FBRSL1: variants seen among roughly 807,000 people sequenced by gnomAD.
FBRSL1 encodes the protein fibrosin-1-like protein.
FBRSL1 carries 51 observed loss-of-function variants against 89.6 expected under a neutral mutation model. The ratio of observed to expected loss-of-function variants is 0.57; its 90% CI spans 0.45 to 0.72. FBRSL1 has a LOEUF of 0.72. FBRSL1 is among the 30% of genes least tolerant of loss of function. The probability of loss-of-function intolerance (pLI) is 0.00; values close to 1 mark genes in which losing one functional copy is unlikely to be tolerated. For synonymous variants in FBRSL1, 779 were observed against 681.1 expected (o/e 1.14, Z -2.24); for missense variants, 1,618 against 1,451.8 (o/e 1.11, Z -1.86).
At chr12:132,525,304 T>C (rs2035696224) in intron 2 of FBRSL1, among the ~76,000 whole-genome samples, 1 of 152,176 alleles carries the variant, frequency 6.6e-6, no homozygotes, top group Non-Finnish European at 1.5e-5. Context: ...TACAGCCAGA[T>C]GGGGTGGTGC....
chr12:132,535,414 G>A (rs927815451), intron 4 of FBRSL1, among the ~76,000 whole-genome samples: 3 of 152,242 alleles, frequency 2.0e-5, no homozygotes, highest in Admixed American at 6.5e-5. Context: ...GGACGTAGAG[G>A]GAGAGATGGA....
chr12:132,515,684 G>A (rs1325187290), intron 2 of FBRSL1, among the ~76,000 whole-genome samples: 3 of 152,082 alleles, frequency 2.0e-5, no homozygotes, highest in Non-Finnish European at 2.9e-5. Flanking sequence ...TGGATCACTT[G>A]AGGTCAGGAG....
intron 2 of FBRSL1, among the ~76,000 whole-genome samples, chr12:132,515,899 CAAAAAAAAA>C (rs60767937): frequency 1.5e-5 from 1 of 65,640 alleles, no homozygotes; most frequent in Admixed American, 1.9e-4. Context: ...GACTCCGTCT[CAAAAAAAAA>C]AAAAAAAAAA....
rs553174847 is a variant in FBRSL1 at position 132,503,136 on chromosome 12, C to T, written c.292-5017C>T. Among the ~76,000 whole-genome samples the T allele has an allele frequency of 2.8e-5, 4 of 140,370 alleles. No homozygotes were observed. In the East Asian group the frequency reaches 7.0e-4, roughly 24 times the overall value. 92.1% of individuals were successfully genotyped at this position (140,370 alleles called of 152,430 possible). On this transcript the variant is annotated intron_variant, in intron 1 of 18. Coordinates refer to ENST00000680143, the MANE Select transcript of FBRSL1 (RefSeq NM_001367871.1). ...CCACCCCACCCCCCAGGAGCCCTGACCCTACCTCCTTGCCCCTAGAGTGCA... is the reference window on the plus strand; with the variant it reads ...CCACCCCACCCCCCAGGAGCCCTGATCCTACCTCCTTGCCCCTAGAGTGCA...
intron 2 of FBRSL1, chr12:132,509,449 T>G (rs2034069707): frequency 8.1e-7 from 1 of 1,240,014 alleles, no homozygotes; most frequent in African/African-American, 1.6e-5. Flanking sequence ...CAGCGGCTCC[T>G]TCCATCCCCA....
Position 132,584,610 on chromosome 12 carries a change from C to T in FBRSL1, c.*832C>T, listed in dbSNP as rs1204795231. Reference sequence around the variant, plus strand: ...GAAGGTTCCGCCAGCGACCTCCCAGCCCCTGGGTCCGTGGAGGGGTTGGGT... The same window carrying T: ...GAAGGTTCCGCCAGCGACCTCCCAGTCCCTGGGTCCGTGGAGGGGTTGGGT... On this transcript the variant is annotated 3_prime_UTR_variant, in exon 19 of 19. Transcript: ENST00000680143. 1 of 116,832 alleles carries T rather than the reference C, an allele frequency of 8.6e-6. No homozygotes were observed. The highest frequency in any genetic ancestry group is 1.7e-5 in the Non-Finnish European group (1 of 58,296). 7.2% of individuals were successfully genotyped at this position (116,832 alleles called of 1,614,324 possible).
At chr12:132,562,175 G>T (rs2039183519) in intron 5 of FBRSL1, among the ~76,000 whole-genome samples, 1 of 152,168 alleles carries the variant, frequency 6.6e-6, no homozygotes, top group Non-Finnish European at 1.5e-5. Context: ...GGTGGAGGCG[G>T]ACCCCATGGG....
intron 1 of FBRSL1, among the ~76,000 whole-genome samples, chr12:132,496,219 C>T (rs1369165810): frequency 1.3e-5 from 2 of 152,256 alleles, no homozygotes; most frequent in African/African-American, 2.4e-5. Flanking sequence ...CCACACTAGA[C>T]CCTCCTTCCC....
chr12:132,522,482 C>T (rs1356915757), intron 2 of FBRSL1, among the ~76,000 whole-genome samples: 1 of 152,222 alleles, frequency 6.6e-6, no homozygotes, highest in Non-Finnish European at 1.5e-5. Context: ...CCACCAGCGG[C>T]TGGTCTGCGG....
intron 6 of FBRSL1, among the ~76,000 whole-genome samples, chr12:132,568,264 C>T (rs2039769848): frequency 6.6e-6 from 1 of 152,244 alleles, no homozygotes; most frequent in Non-Finnish European, 1.5e-5. Flanking sequence ...CCAGCTGGAA[C>T]CACCCTTTTG....
chr12:132,572,717 A>AC, intron 11 of FBRSL1, 95 bp downstream of exon 11: 2 of 873,154 alleles, frequency 2.3e-6, no homozygotes, highest in Admixed American at 2.1e-5. Context: ...GCCCACAACC[A>AC]CCCCCCTTTC....
At chr12:132,516,838 T>C (rs1787188319) in intron 2 of FBRSL1, among the ~76,000 whole-genome samples, 1 of 152,250 alleles carries the variant, frequency 6.6e-6, no homozygotes, top group Non-Finnish European at 1.5e-5. Flanking sequence ...GGCAGCTTTC[T>C]GGGCCTCAGT....
At chr12:132,545,315 A>G (rs777049862) in intron 4 of FBRSL1, among the ~76,000 whole-genome samples, 4 of 152,178 alleles carry the variant, frequency 2.6e-5, no homozygotes, top group Non-Finnish European at 5.9e-5. Context: ...GCAGCTTCCG[A>G]GAGGTGGATG....
At position 132,583,434 on chromosome 12, in the gene FBRSL1, G is replaced by C. The variant is rs1309405791; in HGVS notation, c.2665G>C (p.Glu889Gln). 2.8e-6 allele frequency: 3 copies of C among 1,070,692 alleles called. No individual in the cohort carries two copies. The highest frequency in any genetic ancestry group is 3.4e-6 in the Non-Finnish European group (3 of 883,532). 66.3% of individuals were successfully genotyped at this position (1,070,692 alleles called of 1,614,324 possible). The part of the protein sequence containing the change: ...EPPERPYRDR[E>Q]PHGYSPERLR... ...CCCGGAGCGCCCCTACCGCGACCGC[G>C]AGCCCCACGGCTACAGCCCCGAGCG... The change falls in exon 19 of 19, where the codon GAG becomes CAG. Residue 889 changes from glutamate to glutamine, a missense_variant. Physicochemically the swap from Glu to Gln is conservative, Grantham distance 29. Transcript: ENST00000680143.
chr12:132,536,273 TG>T (rs1247038688), intron 4 of FBRSL1, among the ~76,000 whole-genome samples: 7 of 148,974 alleles, frequency 4.7e-5, no homozygotes, highest in Admixed American at 1.3e-4. Flanking sequence ...GTGTACATGA[TG>T]GTGTGTGAGT....
rs552848334 is a variant in FBRSL1, at chr12:132,523,466, G to A, written c.490-2268G>A. Among the ~76,000 whole-genome samples, 24 of 152,224 alleles carry A rather than the reference G, an allele frequency of 1.6e-4. 2 individuals carry two copies. The highest frequency in any genetic ancestry group is 4.8e-4 in the African/African-American group (20 of 41,544). ...AGCCCCTCTGTGGCATGGGGGTGAC[G>A]CGTTCCATCTGCGCCCAGCCCTGAC... On this transcript the variant is annotated intron_variant, in intron 2 of 18. Coordinates refer to ENST00000680143, the MANE Select transcript of FBRSL1 (RefSeq NM_001367871.1).
chr12:132,493,472 C>G (rs2031456388), intron 1 of FBRSL1, among the ~76,000 whole-genome samples: 1 of 152,172 alleles, frequency 6.6e-6, no homozygotes, highest in Admixed American at 6.5e-5. Context: ...CACCCCAGAC[C>G]CCACACACAC....
In FBRSL1 at chr12:132,523,279, C is replaced by T. The variant is rs537829011; in HGVS notation, c.490-2455C>T. 1.4e-4 allele frequency among the ~76,000 whole-genome samples: 21 copies of T among 152,220 alleles called. No homozygotes were observed. In the South Asian group the frequency reaches 3.9e-3, roughly 29 times the overall value. ...CCTGCCTGGGGACAGAGTGGGGTGA[C>T]CAGGACACAGATTCCCAGTTCTACA... On this transcript the variant is annotated intron_variant, in intron 2 of 18. Coordinates refer to ENST00000680143, the MANE Select transcript of FBRSL1 (RefSeq NM_001367871.1).
chr12:132,500,817 C>T (rs1403471082), intron 1 of FBRSL1, among the ~76,000 whole-genome samples: 2 of 152,188 alleles, frequency 1.3e-5, no homozygotes, highest in Non-Finnish European at 2.9e-5. Context: ...GAGCTCAGGC[C>T]CTGCCACAGC....
Sources: allele counts gnomAD v4.1 joint callset (sites outside exome capture counted in the v4.1 genomes callset), GRCh38; gene constraint gnomAD v4.1.1; transcripts MANE v1.5; gene names NCBI Gene and HGNC (gene_info 2026-07-23, HGNC 2026-07-21).